Variants in KCNH8 observed in about 807,000 individuals in gnomAD.
The protein encoded by KCNH8 is voltage-gated delayed rectifier potassium channel KCNH8.
Under a neutral mutation model 103.6 loss-of-function variants are expected in KCNH8, and 70 were observed. That is an observed-to-expected ratio of 0.68 (90% CI 0.56 to 0.82). The LOEUF (loss-of-function observed/expected upper bound fraction) is 0.82. Among genes scored for constraint, KCNH8 ranks in the 40% least tolerant of loss-of-function variants. The probability of loss-of-function intolerance (pLI) is 0.00; values close to 1 mark genes in which losing one functional copy is unlikely to be tolerated. For missense variants in KCNH8, 1,217 were observed against 1,329.9 expected (o/e 0.92, Z 1.32); for synonymous variants, 498 against 489.4 (o/e 1.02, Z -0.23).
intron 1 of KCNH8, among the ~76,000 whole-genome samples, chr3:19,195,395 C>T (rs1275387170): frequency 3.3e-5 from 5 of 151,840 alleles, no homozygotes; most frequent in African/African-American, 9.7e-5. Flanking sequence ...TTCATTTTCT[C>T]GATTCCCATA....
chr3:19,471,986 T>C (rs1158877585), intron 11 of KCNH8, among the ~76,000 whole-genome samples: 1 of 152,238 alleles, frequency 6.6e-6, no homozygotes, highest in African/African-American at 2.4e-5. Flanking sequence ...TGCACTTTTT[T>C]CTGTATGCTA....
chr3:19,448,647 C>G (rs1467361344), intron 8 of KCNH8, among the ~76,000 whole-genome samples: 2 of 151,918 alleles, frequency 1.3e-5, no homozygotes, highest in African/African-American at 4.8e-5. Context: ...CATATTTGCA[C>G]CAATGTATCC....
intron 3 of KCNH8, among the ~76,000 whole-genome samples, chr3:19,311,222 G>A (rs1181655720): frequency 1.3e-5 from 2 of 151,728 alleles, no homozygotes; most frequent in Admixed American, 6.6e-5. Context: ...TAGTTACCAT[G>A]AGTCAGGCAC....
intron 1 of KCNH8, among the ~76,000 whole-genome samples, chr3:19,228,811 C>T (rs1298014622): frequency 6.6e-6 from 1 of 152,186 alleles, no homozygotes; most frequent in African/African-American, 2.4e-5. Context: ...GCTAATAAGG[C>T]CAGAGAAAAA....
chr3:19,171,762 C>T (rs924794754), intron 1 of KCNH8, among the ~76,000 whole-genome samples: 2 of 152,176 alleles, frequency 1.3e-5, no homozygotes, highest in Non-Finnish European at 2.9e-5. Flanking sequence ...TCTCATTAAT[C>T]CAGAGTGAGA....
chr3:19,418,851 T>C (rs2066900998), intron 7 of KCNH8, among the ~76,000 whole-genome samples: 1 of 152,228 alleles, frequency 6.6e-6, no homozygotes, highest in Admixed American at 6.5e-5. Flanking sequence ...CAAATACCAA[T>C]GCTGTTTTTA....
At chr3:19,507,239 T>C (rs1168587441) in intron 11 of KCNH8, among the ~76,000 whole-genome samples, 1 of 152,082 alleles carries the variant, frequency 6.6e-6, no homozygotes, top group Non-Finnish European at 1.5e-5. Context: ...GTTTCTTCCC[T>C]ATAGCAAGGG....
At chr3:19,454,012 T>C (rs1158340440) in intron 10 of KCNH8, among the ~76,000 whole-genome samples, 3 of 152,122 alleles carry the variant, frequency 2.0e-5, no homozygotes, top group Non-Finnish European at 4.4e-5. Flanking sequence ...TCTTGTCTCA[T>C]CCTCTTATGT....
chr3:19,400,916 T>G (rs1453349218), intron 7 of KCNH8, among the ~76,000 whole-genome samples: 1 of 151,982 alleles, frequency 6.6e-6, no homozygotes. Context: ...TTTTCAGGGT[T>G]TACATAAAGA....
At chr3:19,362,278 A>C (rs896024921) in intron 5 of KCNH8, among the ~76,000 whole-genome samples, 2 of 152,176 alleles carry the variant, frequency 1.3e-5, no homozygotes, top group Non-Finnish European at 2.9e-5. Context: ...CCAAAGCTTA[A>C]ATAGCTTTTT....
At chr3:19,239,573 G>C (rs940483858) in intron 1 of KCNH8, among the ~76,000 whole-genome samples, 2 of 151,972 alleles carry the variant, frequency 1.3e-5, no homozygotes, top group African/African-American at 4.8e-5. Context: ...AATATTAATG[G>C]AGAAAAATTT....
intron 2 of KCNH8, among the ~76,000 whole-genome samples, chr3:19,261,978 A>G (rs1415048490): frequency 2.0e-5 from 3 of 151,620 alleles, no homozygotes; most frequent in Non-Finnish European, 4.4e-5. Flanking sequence ...GTCTGTTTTT[A>G]ATGCCTGCAC....
chr3:19,347,652 G>A (rs2065745965), intron 4 of KCNH8, 73 bp from the exon 5 acceptor site: 3 of 1,543,772 alleles, frequency 1.9e-6, no homozygotes, highest in Non-Finnish European at 1.8e-6. Flanking sequence ...ACAAAAGTGT[G>A]TGTTTCAAGC....
intron 8 of KCNH8, among the ~76,000 whole-genome samples, chr3:19,449,329 G>A (rs2067409704): frequency 2.0e-5 from 3 of 150,104 alleles, no homozygotes; most frequent in African/African-American, 7.3e-5. Flanking sequence ...CCCTGCTGGT[G>A]CATCTCATGG....
At chr3:19,484,879 GTC>G (rs1316184836) in intron 11 of KCNH8, among the ~76,000 whole-genome samples, 2 of 152,094 alleles carry the variant, frequency 1.3e-5, no homozygotes, top group Non-Finnish European at 2.9e-5. Context: ...GTGCCTGGAA[GTC>G]TCTGTAGTAT....
intron 1 of KCNH8, among the ~76,000 whole-genome samples, chr3:19,170,707 CAT>C (rs1484900939): frequency 1.1e-4 from 15 of 135,770 alleles, no homozygotes; most frequent in East Asian, 9.9e-4. Context: ...TATATATACA[CAT>C]ATATACACAC....
At chr3:19,200,992 G>A (rs2063653035) in intron 1 of KCNH8, among the ~76,000 whole-genome samples, 1 of 151,742 alleles carries the variant, frequency 6.6e-6, no homozygotes, top group Non-Finnish European at 1.5e-5. Flanking sequence ...AGCACTTTGG[G>A]AGGCTGAGAT....
At chr3:19,359,833 C>T (rs7618649) in intron 5 of KCNH8, among the ~76,000 whole-genome samples, 5,981 of 151,958 alleles carry the variant, frequency 0.039, 150 homozygotes, top group East Asian at 0.11. Flanking sequence ...CTTGACAATG[C>T]TTAGGTTGTC....
intron 3 of KCNH8, among the ~76,000 whole-genome samples, chr3:19,330,236 CTCAGACCAGAGG>C (rs1412805879): frequency 1.3e-5 from 2 of 152,130 alleles, no homozygotes; most frequent in East Asian, 1.9e-4. Flanking sequence ...GTTTTCTAGG[CTCAGACCAGAGG>C]CCAGTTTCTC....
Sources: gnomAD v4.1 joint callset for allele counts (sites outside exome capture counted in the v4.1 genomes callset) on GRCh38, gnomAD v4.1.1 for gene constraint, MANE v1.5 for transcripts, NCBI Gene and HGNC (gene_info 2026-07-23, HGNC 2026-07-21) for gene names.